MALRD1: variants seen among roughly 807,000 people sequenced by gnomAD.
MALRD1 encodes the protein MAM and LDL-receptor class A domain-containing protein 1.
MALRD1 carries 247 observed loss-of-function variants against 242.1 expected under a neutral mutation model. The ratio of observed to expected loss-of-function variants is 1.02; its 90% CI spans 0.92 to 1.13. MALRD1 has a LOEUF of 1.13. Among genes scored for constraint, MALRD1 ranks in the 50% most tolerant of loss-of-function variants. The pLI, the probability that MALRD1 is intolerant of heterozygous loss-of-function variation, is 0.00. For synonymous variants in MALRD1, 995 were observed against 866.6 expected (o/e 1.15, Z -2.60); for missense variants, 2,989 against 2,533.1 (o/e 1.18, Z -3.86).
chr10:19,360,861 ATAG>A (rs2130704286), intron 26 of MALRD1, among the ~76,000 whole-genome samples: 1 of 152,248 alleles, frequency 6.6e-6, no homozygotes, highest in South Asian at 2.1e-4. Context: ...ATATTTGTTC[ATAG>A]TAGCATAGTG....
At chr10:19,618,078 G>A (rs139634393) in intron 36 of MALRD1, among the ~76,000 whole-genome samples, 327 of 152,134 alleles carry the variant, frequency 2.1e-3, no homozygotes, top group African/African-American at 7.5e-3. Context: ...AGAACATGTG[G>A]TGTTTGGTTT....
At chr10:19,247,814 A>G (rs1564500629) in intron 18 of MALRD1, among the ~76,000 whole-genome samples, 1 of 152,094 alleles carries the variant, frequency 6.6e-6, no homozygotes, top group Non-Finnish European at 1.5e-5. Flanking sequence ...TATTAACAGC[A>G]TTAATTTTGT....
At chr10:19,418,293 T>C (rs1392930512) in intron 28 of MALRD1, among the ~76,000 whole-genome samples, 1 of 151,896 alleles carries the variant, frequency 6.6e-6, no homozygotes, top group East Asian at 1.9e-4. Flanking sequence ...CAAATACACA[T>C]TGCTTTCAAA....
intron 15 of MALRD1, 102 bp from the exon 16 acceptor site, chr10:19,204,206 G>A: frequency 1.3e-6 from 1 of 768,852 alleles, no homozygotes; most frequent in Admixed American, 3.0e-5. Flanking sequence ...TTTAATTTCA[G>A]TTAGACAATG....
chr10:19,284,071 G>C (rs555743777), intron 21 of MALRD1, among the ~76,000 whole-genome samples: 1 of 152,314 alleles, frequency 6.6e-6, no homozygotes, highest in East Asian at 1.9e-4. Flanking sequence ...CCCTGAGCCA[G>C]GACCATACAG....
At chr10:19,606,996 A>T (rs1838670132) in intron 34 of MALRD1, among the ~76,000 whole-genome samples, 1 of 152,150 alleles carries the variant, frequency 6.6e-6, no homozygotes. Flanking sequence ...ATCACGTTGT[A>T]TACAGAAAGG....
At chr10:19,620,284 C>A (rs901621982) in intron 36 of MALRD1, among the ~76,000 whole-genome samples, 1 of 151,684 alleles carries the variant, frequency 6.6e-6, no homozygotes, top group South Asian at 2.1e-4. Flanking sequence ...AGCATAGTAC[C>A]CAATAGGTAG....
chr10:19,246,667 T>C (rs1170883820), intron 18 of MALRD1, among the ~76,000 whole-genome samples: 1 of 152,096 alleles, frequency 6.6e-6, no homozygotes, highest in East Asian at 1.9e-4. Context: ...GGTGATTGCT[T>C]GAATATTTAC....
chr10:19,139,739 C>G (rs887534262), intron 10 of MALRD1, among the ~76,000 whole-genome samples: 2 of 152,176 alleles, frequency 1.3e-5, no homozygotes, highest in Non-Finnish European at 2.9e-5. Context: ...GCTGCAGCAG[C>G]AGACTCCATG....
In MALRD1 at chr10:19,205,273, C is replaced by A. The variant is rs182645066; in HGVS notation, c.2578+8C>A. The A allele has an allele frequency of 4.1e-5, 63 of 1,529,624 alleles. 2 individuals carry two copies. In the Admixed American group the frequency reaches 8.8e-4, roughly 21 times the overall value. 94.8% of individuals were successfully genotyped at this position (1,529,624 alleles called of 1,614,324 possible). A position where few individuals can be genotyped will look rare whatever the true frequency, so the allele number is the denominator to read the frequency against. On this transcript the variant is annotated splice_region_variant and intron_variant, in intron 17 of 39. Transcript: ENST00000454679. ...CTGATGAAGTCAACTGTGGTAAGTTCTTTTTGGTTGGGGGATTCTCTTTCT... is the reference window on the plus strand; with the variant it reads ...CTGATGAAGTCAACTGTGGTAAGTTATTTTTGGTTGGGGGATTCTCTTTCT...
In MALRD1 at chr10:19,175,414, G is replaced by A. The variant is rs879503648; in HGVS notation, c.1951+86G>A. 2.3e-5 allele frequency: 22 copies of A among 977,524 alleles called. No homozygotes were observed. In the South Asian group the frequency reaches 3.6e-4, roughly 16 times the overall value. The allele number at this position is 977,524 out of a possible 1,614,324, so 60.6% of individuals were successfully genotyped here. A position where few individuals can be genotyped will look rare whatever the true frequency, so the allele number is the denominator to read the frequency against. On this transcript the variant is annotated intron_variant, in intron 14 of 39. Coordinates refer to ENST00000454679, the MANE Select transcript of MALRD1 (RefSeq NM_001142308.3). ...AAAATATAAAATGTATTAGAGTCAC[G>A]AATACCTAATACAGGGTGTGGATTA...
At position 19,734,313 on chromosome 10, in the gene MALRD1, A is replaced by G; in HGVS notation, c.*76A>G. ...AGTCTCCACAATCTGATAGAAACTCATCTTCTACAATGGTAAAAAGAGAAA... is the reference window on the plus strand; with the variant it reads ...AGTCTCCACAATCTGATAGAAACTCGTCTTCTACAATGGTAAAAAGAGAAA... On this transcript the variant is annotated 3_prime_UTR_variant, in exon 40 of 40. Coordinates refer to ENST00000454679, the MANE Select transcript of MALRD1 (RefSeq NM_001142308.3). 2.6e-6 allele frequency: 3 copies of G among 1,153,628 alleles called. No homozygotes were observed. Among genetic ancestry groups the G allele is most frequent in the East Asian group, 2.6e-5 (1 of 38,902 alleles). The allele number at this position is 1,153,628 out of a possible 1,614,324, so 71.5% of individuals were successfully genotyped here.
intron 38 of MALRD1, among the ~76,000 whole-genome samples, chr10:19,723,064 C>T (rs1834844904): frequency 6.6e-6 from 1 of 152,022 alleles, no homozygotes; most frequent in Non-Finnish European, 1.5e-5. Flanking sequence ...GGTGAGTTAC[C>T]ACATTGGAGA....
intron 31 of MALRD1, among the ~76,000 whole-genome samples, chr10:19,507,013 A>T (rs7923139): frequency 0.21 from 32,604 of 151,754 alleles, 5,130 homozygotes; most frequent in African/African-American, 0.45. Context: ...TGCTATTATG[A>T]CAGATGGTGA....
intron 29 of MALRD1, among the ~76,000 whole-genome samples, chr10:19,473,140 A>T: frequency 3.8e-5 from 2 of 52,800 alleles, no homozygotes; most frequent in African/African-American, 7.1e-5. Flanking sequence ...TTAAATTTTG[A>T]GGATAAATTG....
intron 13 of MALRD1, among the ~76,000 whole-genome samples, chr10:19,168,893 C>A (rs1293566508): frequency 1.3e-5 from 2 of 152,088 alleles, no homozygotes; most frequent in Non-Finnish European, 2.9e-5. Flanking sequence ...TCCTCTGTGC[C>A]TCCCCACTTA....
chr10:19,641,278 A>G (rs548326188), intron 36 of MALRD1, among the ~76,000 whole-genome samples: 1 of 152,186 alleles, frequency 6.6e-6, no homozygotes, highest in Non-Finnish European at 1.5e-5. Context: ...TGAAGATATT[A>G]TAGATAAACT....
chr10:19,098,061 C>G (rs1417284364), intron 4 of MALRD1, among the ~76,000 whole-genome samples: 1 of 152,160 alleles, frequency 6.6e-6, no homozygotes, highest in Non-Finnish European at 1.5e-5. Flanking sequence ...TCTCTCAATT[C>G]TTTCTTGCAC....
chr10:19,638,604 A>T, intron 36 of MALRD1, among the ~76,000 whole-genome samples: 1 of 152,208 alleles, frequency 6.6e-6, no homozygotes, highest in East Asian at 1.9e-4. Context: ...TTTTAAGAGA[A>T]GAGACCTACT....
Sources: allele counts gnomAD v4.1 joint callset (sites outside exome capture counted in the v4.1 genomes callset), GRCh38; gene constraint gnomAD v4.1.1; transcripts MANE v1.5; gene names NCBI Gene and HGNC (gene_info 2026-07-23, HGNC 2026-07-21).